NOL4: variants seen among roughly 807,000 people sequenced by gnomAD.
NOL4 encodes cancer/testis antigen 125.
In NOL4, 17 loss-of-function variants were observed where a neutral mutation model predicts 75.9. The ratio of observed to expected loss-of-function variants is 0.22; its 90% CI spans 0.15 to 0.34. The LOEUF is 0.34. Ranked by LOEUF, NOL4 falls within the 10% of genes least tolerant of loss-of-function variation. The pLI is 1.00. For missense variants in NOL4, 614 were observed against 793.5 expected, an observed-to-expected ratio of 0.77 and a Z score of 2.72; for synonymous variants, 292 against 289.9, an observed-to-expected ratio of 1.01 and a Z score of -0.07.
At chr18:33,910,961 C>T (rs1000748574) in intron 9 of NOL4, among the ~76,000 whole-genome samples, 3 of 152,146 alleles carry the variant, frequency 2.0e-5, no homozygotes, top group Non-Finnish European at 2.9e-5. Flanking sequence ...TCCAGGCCTG[C>T]CACACAGCAT....
intron 6 of NOL4, among the ~76,000 whole-genome samples, chr18:34,008,378 T>TATCC (rs2074169437): frequency 8.1e-6 from 1 of 123,296 alleles, no homozygotes; most frequent in Admixed American, 7.7e-5. Flanking sequence ...TCTGTCTATC[T>TATCC]ATCTATCTAT....
At chr18:34,163,850 C>G (rs1445627327) in intron 1 of NOL4, among the ~76,000 whole-genome samples, 4 of 152,040 alleles carry the variant, frequency 2.6e-5, no homozygotes, top group African/African-American at 4.8e-5. Flanking sequence ...ATACTACAAG[C>G]CTACAGTAAC....
chr18:34,188,925 T>A (rs577850492), intron 1 of NOL4, among the ~76,000 whole-genome samples: 21 of 152,282 alleles, frequency 1.4e-4, no homozygotes, highest in East Asian at 1.2e-3. Context: ...GTACTTTTTT[T>A]AAAAATAGAC....
At chr18:33,947,674 T>A (rs1258356115) in intron 8 of NOL4, among the ~76,000 whole-genome samples, 2 of 151,888 alleles carry the variant, frequency 1.3e-5, no homozygotes, top group Non-Finnish European at 2.9e-5. Flanking sequence ...ATTTATTACA[T>A]ATTTATTTCT....
chr18:34,130,136 G>T, intron 1 of NOL4, 116 bp from the exon 2 acceptor site: 1 of 957,426 alleles, frequency 1.0e-6, no homozygotes. Flanking sequence ...CATCTATATA[G>T]GAAACGTCAA....
At chr18:33,919,733 G>A (rs2066921832) in intron 9 of NOL4, among the ~76,000 whole-genome samples, 2 of 152,154 alleles carry the variant, frequency 1.3e-5, no homozygotes, top group Non-Finnish European at 2.9e-5. Flanking sequence ...ATTACAGTGG[G>A]CTCCAATTAG....
At chr18:33,922,407 G>A (rs1173627554) in intron 9 of NOL4, among the ~76,000 whole-genome samples, 2 of 152,172 alleles carry the variant, frequency 1.3e-5, no homozygotes, top group Non-Finnish European at 2.9e-5. Context: ...GTGTTTCACT[G>A]ATAACTTCAT....
At chr18:34,039,637 T>TA (rs1231233248) in intron 5 of NOL4, among the ~76,000 whole-genome samples, 1 of 152,094 alleles carries the variant, frequency 6.6e-6, no homozygotes, top group Non-Finnish European at 1.5e-5. Context: ...CTTTAGCCTG[T>TA]AAATTGTTAG....
intron 5 of NOL4, among the ~76,000 whole-genome samples, chr18:34,051,204 TG>T (rs1469422095): frequency 3.9e-5 from 6 of 152,086 alleles, no homozygotes; most frequent in Admixed American, 2.6e-4. Flanking sequence ...ATACAAAGTC[TG>T]CTATCAGGTA....
intron 8 of NOL4, among the ~76,000 whole-genome samples, chr18:33,948,994 A>AG (rs2069024429): frequency 1.3e-5 from 2 of 152,102 alleles, no homozygotes; most frequent in African/African-American, 2.4e-5. Flanking sequence ...CTCAGCTGGC[A>AG]GAAAAAAACT....
intron 8 of NOL4, among the ~76,000 whole-genome samples, chr18:33,951,973 T>G (rs1282022024): frequency 6.6e-6 from 1 of 152,196 alleles, no homozygotes; most frequent in Non-Finnish European, 1.5e-5. Context: ...GGTTCTACAT[T>G]TACTTTTTCT....
chr18:33,917,146 A>G (rs2066768438), intron 9 of NOL4, among the ~76,000 whole-genome samples: 1 of 152,138 alleles, frequency 6.6e-6, no homozygotes, highest in African/African-American at 2.4e-5. Context: ...TATGCAAATG[A>G]ACTATAACTT....
chr18:34,020,147 A>G (rs1277645985), intron 5 of NOL4, among the ~76,000 whole-genome samples: 11 of 152,090 alleles, frequency 7.2e-5, no homozygotes, highest in Non-Finnish European at 1.2e-4. Context: ...TTTCTTTATA[A>G]ATTACCCAGT....
In NOL4 at chr18:33,958,232, G is replaced by C. The variant is rs774417991; in HGVS notation, c.1236+7C>G. On this transcript the variant is annotated splice_region_variant and intron_variant, in intron 7 of 10. Transcript: ENST00000261592. The stretch of plus-strand genomic sequence containing the variant: ...TTAAACCACACTTGGAGTGTGGCAG[G>C]ACTCACATTAAAAGCTTTCAGCCGC... 2 of 1,610,832 alleles carry C rather than the reference G, an allele frequency of 1.2e-6. No individual in the cohort carries two copies. Among genetic ancestry groups the C allele is most frequent in the East Asian group, 4.5e-5 (2 of 44,828 alleles).
intron 9 of NOL4, among the ~76,000 whole-genome samples, chr18:33,934,373 G>A (rs1337744243): frequency 6.6e-6 from 1 of 152,118 alleles, no homozygotes; most frequent in Non-Finnish European, 1.5e-5. Context: ...CCTAACAGTA[G>A]AGCAGCCTGT....
At chr18:34,046,552 A>G (rs1053635940) in intron 5 of NOL4, among the ~76,000 whole-genome samples, 2 of 145,774 alleles carry the variant, frequency 1.4e-5, no homozygotes, top group African/African-American at 2.5e-5. Flanking sequence ...ACTTTGGTTA[A>G]GGTAGTAAAT....
intron 1 of NOL4, among the ~76,000 whole-genome samples, chr18:34,192,825 C>T (rs889529896): frequency 2.6e-5 from 4 of 152,176 alleles, no homozygotes; most frequent in African/African-American, 9.6e-5. Context: ...GGATTAACGG[C>T]ATTATCATGG....
At chr18:34,176,315 C>G (rs1056270580) in intron 1 of NOL4, among the ~76,000 whole-genome samples, 3 of 151,812 alleles carry the variant, frequency 2.0e-5, no homozygotes, top group Non-Finnish European at 4.4e-5. Context: ...GAAAAGTGAA[C>G]AGAACCTTAG....
At chr18:34,142,686 TGG>T (rs962032602) in intron 1 of NOL4, among the ~76,000 whole-genome samples, 2 of 151,104 alleles carry the variant, frequency 1.3e-5, no homozygotes, top group Admixed American at 1.3e-4. Flanking sequence ...TGTTGTGGGG[TGG>T]GGGGAGGATG....
Sources: allele counts gnomAD v4.1 joint callset (sites outside exome capture counted in the v4.1 genomes callset), GRCh38; gene constraint gnomAD v4.1.1; transcripts MANE v1.5; gene names NCBI Gene and HGNC (gene_info 2026-07-23, HGNC 2026-07-21).